Variants in OPCML observed in about 807,000 individuals in gnomAD.
The protein encoded by OPCML is opioid binding protein/cell adhesion molecule like, also known as opioid-binding protein/cell adhesion molecule.
OPCML carries 13 observed loss-of-function variants against 37.8 expected under a neutral mutation model. The observed-to-expected ratio is 0.34, with a 90% CI of 0.22 to 0.55. The LOEUF (loss-of-function observed/expected upper bound fraction) is 0.55. Among genes scored for constraint, OPCML ranks in the 20% least tolerant of loss-of-function variants. The pLI is 0.91. For synonymous variants in OPCML, 176 were observed against 168.8 expected, an observed-to-expected ratio of 1.04 and a Z score of -0.33; for missense variants, 341 against 435.6, an observed-to-expected ratio of 0.78 and a Z score of 1.93.
intron 1 of OPCML, among the ~76,000 whole-genome samples, chr11:132,962,317 C>G (rs1417164045): frequency 1.3e-5 from 2 of 152,210 alleles, no homozygotes; most frequent in South Asian, 2.1e-4. Context: ...CCCGGGCTCT[C>G]TCTGCCTGCT....
chr11:133,025,726 A>ATTTTTTT (rs869296316), intron 1 of OPCML, among the ~76,000 whole-genome samples: 4 of 91,318 alleles, frequency 4.4e-5, no homozygotes, highest in Non-Finnish European at 6.1e-5. Context: ...TGCCGATTTG[A>ATTTTTTT]TTTTTTTTTT....
At chr11:132,958,826 C>A (rs74872890) in intron 1 of OPCML, among the ~76,000 whole-genome samples, 1 of 142,738 alleles carries the variant, frequency 7.0e-6, no homozygotes, top group Admixed American at 7.1e-5. Flanking sequence ...AAAAAAGATA[C>A]CTTTCCAAAT....
chr11:132,608,342 A>G (rs1938435281), intron 3 of OPCML, among the ~76,000 whole-genome samples: 2 of 152,122 alleles, frequency 1.3e-5, no homozygotes, highest in South Asian at 4.1e-4. Context: ...ACACAATACT[A>G]TGTCTCTGTT....
intron 2 of OPCML, among the ~76,000 whole-genome samples, chr11:132,784,311 C>T (rs1008919031): frequency 6.6e-6 from 1 of 152,118 alleles, no homozygotes; most frequent in African/African-American, 2.4e-5. Context: ...TTAGGACTAA[C>T]CAGAGAAAGC....
At chr11:133,000,062 G>GT (rs888233117) in intron 1 of OPCML, among the ~76,000 whole-genome samples, 7 of 152,066 alleles carry the variant, frequency 4.6e-5, no homozygotes, top group African/African-American at 1.4e-4. Flanking sequence ...TTTTGTTTTT[G>GT]TTTTTTTGTT....
At chr11:132,453,104 G>A (rs890997029) in intron 4 of OPCML, among the ~76,000 whole-genome samples, 2 of 151,982 alleles carry the variant, frequency 1.3e-5, no homozygotes, top group African/African-American at 4.8e-5. Context: ...TTGACTTTAG[G>A]GTCTTTGTTA....
chr11:133,216,856 T>C (rs1455281828), intron 1 of OPCML, among the ~76,000 whole-genome samples: 5 of 152,212 alleles, frequency 3.3e-5, no homozygotes, highest in Admixed American at 3.3e-4. Context: ...ATATATGTGC[T>C]CATATGTATA....
At chr11:132,869,788 A>T (rs922451208) in intron 2 of OPCML, among the ~76,000 whole-genome samples, 5 of 152,222 alleles carry the variant, frequency 3.3e-5, no homozygotes, top group African/African-American at 1.2e-4. Flanking sequence ...GCCTCAGTGC[A>T]TATGGGCAAC....
intron 1 of OPCML, among the ~76,000 whole-genome samples, chr11:133,465,040 C>G (rs1327479885): frequency 6.6e-6 from 1 of 152,134 alleles, no homozygotes; most frequent in Admixed American, 6.5e-5. Flanking sequence ...TGTGCCAATC[C>G]CCACAAACCT....
At chr11:133,498,489 C>T (rs755952837) in intron 1 of OPCML, among the ~76,000 whole-genome samples, 5 of 152,170 alleles carry the variant, frequency 3.3e-5, no homozygotes, top group South Asian at 4.1e-4. Context: ...CACAATATCG[C>T]GCAGGGCCCC....
At chr11:133,408,893 A>C (rs888769818) in intron 1 of OPCML, among the ~76,000 whole-genome samples, 1 of 152,234 alleles carries the variant, frequency 6.6e-6, no homozygotes, top group Non-Finnish European at 1.5e-5. Context: ...GGGATTAGAC[A>C]CTTTAGTTCA....
intron 1 of OPCML, among the ~76,000 whole-genome samples, chr11:133,019,679 G>T (rs535981800): frequency 1.2e-4 from 19 of 152,274 alleles, no homozygotes; most frequent in Non-Finnish European, 2.8e-4. Context: ...TGTTCCATGG[G>T]CTTGTTTGTC....
chr11:132,971,084 C>T (rs1000089520), intron 1 of OPCML, among the ~76,000 whole-genome samples: 2 of 151,982 alleles, frequency 1.3e-5, no homozygotes, highest in Admixed American at 6.6e-5. Context: ...ACACAGTGAC[C>T]GACTGTCACA....
rs141534745 is a variant in OPCML at position 133,266,449 on chromosome 11, T to C, written c.61+265815A>G. 1.5e-3 allele frequency among the ~76,000 whole-genome samples: 225 copies of C among 152,276 alleles called. 5 individuals carry two copies. The highest frequency in any genetic ancestry group is 0.01 in the Middle Eastern group (3 of 294). ...TCTCCCCCTGGTCTCTAAGTCTAGA[T>C]TACATTTGCTTCCAGAATACACACT... is the stretch of plus-strand genomic sequence containing the variant. On this transcript the variant is annotated intron_variant, in intron 1 of 7. Transcript: ENST00000524381.
rs1336454310 is a variant in OPCML, at chr11:133,141,098, A to AAGAAGAAGAAGAAGAAGAAGG, written c.62-198089_62-198088insCCTTCTTCTTCTTCTTCTTCT. 1.4e-5 allele frequency among the ~76,000 whole-genome samples: 2 copies of AAGAAGAAGAAGAAGAAGAAGG among 143,386 alleles called. 1 individual carries two copies. The highest frequency in any genetic ancestry group is 5.1e-5 in the African/African-American group (2 of 39,494). 94.1% of individuals were successfully genotyped at this position (143,386 alleles called of 152,430 possible). A position where few individuals can be genotyped will look rare whatever the true frequency, so the allele number is the denominator to read the frequency against. On this transcript the variant is annotated intron_variant, in intron 1 of 7. Transcript: ENST00000524381. ...GAAGAAGAAGAAGAAGAAGAAGGAGAAGAAGAAGCAGCTGAATGCCAAAGT... is the reference window on the plus strand; with the variant it reads ...GAAGAAGAAGAAGAAGAAGAAGGAGAAGAAGAAGAAGAAGAAGAAGGAGAAGAAGCAGCTGAATGCCAAAGT...
intron 4 of OPCML, among the ~76,000 whole-genome samples, chr11:132,463,447 C>A (rs2096109562): frequency 6.6e-6 from 1 of 152,174 alleles, no homozygotes; most frequent in African/African-American, 2.4e-5. Context: ...CCTTAGGGAA[C>A]TAGCTAAAAA....
chr11:133,087,911 G>A (rs1948840652), intron 1 of OPCML, among the ~76,000 whole-genome samples: 2 of 152,224 alleles, frequency 1.3e-5, no homozygotes. Flanking sequence ...TTAGGAGATG[G>A]TATAGCAGAG....
At chr11:132,428,200 C>T (rs2095984051) in intron 7 of OPCML, among the ~76,000 whole-genome samples, 1 of 152,074 alleles carries the variant, frequency 6.6e-6, no homozygotes, top group Non-Finnish European at 1.5e-5. Flanking sequence ...ATACAGGAGG[C>T]CAGAACGCAA....
At chr11:133,316,735 A>T (rs1943213795) in intron 1 of OPCML, among the ~76,000 whole-genome samples, 2 of 152,248 alleles carry the variant, frequency 1.3e-5, no homozygotes, top group African/African-American at 4.8e-5. Flanking sequence ...ATGTATGGAT[A>T]TAAGTATCTG....
Sources: gnomAD v4.1 joint callset for allele counts (sites outside exome capture counted in the v4.1 genomes callset) on GRCh38, gnomAD v4.1.1 for gene constraint, MANE v1.5 for transcripts, NCBI Gene and HGNC (gene_info 2026-07-23, HGNC 2026-07-21) for gene names.